Variants in HECW2 observed in about 807,000 individuals in gnomAD.
HECW2 encodes the protein E3 ubiquitin-protein ligase HECW2.
A neutral mutation model predicts 175.2 loss-of-function variants in HECW2; 61 were observed. The ratio of observed to expected loss-of-function variants is 0.35; its 90% CI spans 0.28 to 0.43. The LOEUF is 0.43. Among genes scored for constraint, HECW2 ranks in the 20% least tolerant of loss-of-function variants. HECW2 has a pLI of 1.00. For synonymous variants in HECW2, 671 were observed against 731.0 expected (o/e 0.92, Z 1.32); for missense variants, 1,524 against 2,000.5 (o/e 0.76, Z 4.54).
At chr2:196,551,120 A>C (rs538469060) in intron 1 of HECW2, among the ~76,000 whole-genome samples, 4 of 152,226 alleles carry the variant, frequency 2.6e-5, no homozygotes, top group Non-Finnish European at 5.9e-5. Context: ...GTTAAATGAA[A>C]TCCAAATGTT....
intron 21 of HECW2, among the ~76,000 whole-genome samples, chr2:196,237,187 A>C (rs765621950): frequency 2.0e-5 from 3 of 151,892 alleles, no homozygotes; most frequent in Non-Finnish European, 2.9e-5. Context: ...TTTTTTTTTA[A>C]ATTGTTATTC....
At chr2:196,237,583 C>G (rs2105870465) in intron 21 of HECW2, among the ~76,000 whole-genome samples, 1 of 152,204 alleles carries the variant, frequency 6.6e-6, no homozygotes, top group East Asian at 1.9e-4. Flanking sequence ...TGGCTCTATC[C>G]ACTCATTGAT....
intron 1 of HECW2, among the ~76,000 whole-genome samples, chr2:196,534,277 T>G (rs958687728): frequency 2.2e-5 from 3 of 138,250 alleles, no homozygotes; most frequent in Non-Finnish European, 4.5e-5. Flanking sequence ...TCCGTTTTTG[T>G]GCAGGAAAAA....
chr2:196,278,788 A>G, intron 14 of HECW2, 126 bp from the exon 15 acceptor site: 2 of 1,113,010 alleles, frequency 1.8e-6, no homozygotes, highest in Admixed American at 2.3e-5. Flanking sequence ...CATAATTTTC[A>G]ATCTTTGGGG....
At chr2:196,531,556 G>A (rs972544031) in intron 1 of HECW2, among the ~76,000 whole-genome samples, 5 of 151,920 alleles carry the variant, frequency 3.3e-5, no homozygotes, top group Admixed American at 6.6e-5. Flanking sequence ...CAGCTACTCA[G>A]GAGGCTGAGG....
At chr2:196,225,146 C>G (rs1687803697) in intron 23 of HECW2, among the ~76,000 whole-genome samples, 1 of 152,210 alleles carries the variant, frequency 6.6e-6, no homozygotes, top group East Asian at 1.9e-4. Context: ...AGGACAGAAA[C>G]AATTAGCCCT....
chr2:196,317,249 GC>G, intron 10 of HECW2, 24 bp downstream of exon 10: 1 of 1,540,090 alleles, frequency 6.5e-7, no homozygotes, highest in South Asian at 1.1e-5. Context: ...ATTAAGGTGG[GC>G]CCTTTTAACT....
intron 2 of HECW2, among the ~76,000 whole-genome samples, chr2:196,347,816 G>C (rs2105843136): frequency 6.6e-6 from 1 of 152,298 alleles, no homozygotes. Flanking sequence ...TAATATTCTG[G>C]TTATTCTAGA....
chr2:196,320,956 A>G (rs1466902483), intron 7 of HECW2, among the ~76,000 whole-genome samples: 1 of 152,222 alleles, frequency 6.6e-6, no homozygotes, highest in Non-Finnish European at 1.5e-5. Flanking sequence ...AGGAGCTGGG[A>G]CTTAGGGGAG....
intron 1 of HECW2, among the ~76,000 whole-genome samples, chr2:196,434,672 T>C (rs1185505145): frequency 6.6e-6 from 1 of 152,220 alleles, no homozygotes; most frequent in Non-Finnish European, 1.5e-5. Context: ...CAGAACTACA[T>C]AATCCACTCA....
chr2:196,375,226 A>G (rs1694020073), intron 2 of HECW2, among the ~76,000 whole-genome samples: 1 of 152,218 alleles, frequency 6.6e-6, no homozygotes, highest in African/African-American at 2.4e-5. Context: ...GTTGTATTCA[A>G]AACTTCAAGT....
rs563564323 is a variant in HECW2 at position 196,318,793 on chromosome 2, T to G, written c.2097A>C (p.Glu699Asp). The change falls in exon 9 of 29, where the codon GAA becomes GAC. Residue 699 changes from glutamate (E) to aspartate (D), a missense_variant. This residue lies in a region of HECW2 where 604 missense variants were observed against 588.3 expected (regional missense o/e 1.03). Coordinates refer to ENST00000644978, the MANE Select transcript of HECW2 (RefSeq NM_001348768.2). ...GTAAAGAACCAGCAGTGCACACGGA[T>G]TCCTGCGACCCTTCGGCAGGGCCAC... ...TSSGPAEGSQ[E>D]SVCTAGSLPV... The G allele has an allele frequency of 1.0e-4, 152 of 1,527,254 alleles. 2 individuals carry two copies. The South Asian group carries it at 1.8e-3, about 18-fold the overall frequency. The allele number at this position is 1,527,254 out of a possible 1,614,324, so 94.6% of individuals were successfully genotyped here.
At chr2:196,258,723 C>T (rs976874320) in intron 17 of HECW2, among the ~76,000 whole-genome samples, 2 of 151,968 alleles carry the variant, frequency 1.3e-5, no homozygotes, top group African/African-American at 4.8e-5. Flanking sequence ...TCAAAGCACA[C>T]CATATTAACT....
At chr2:196,445,828 T>C (rs1450623159) in intron 1 of HECW2, among the ~76,000 whole-genome samples, 5 of 152,188 alleles carry the variant, frequency 3.3e-5, no homozygotes, top group African/African-American at 4.8e-5. Context: ...TTCTAGGCCA[T>C]ACAATACAAC....
intron 27 of HECW2, among the ~76,000 whole-genome samples, chr2:196,216,301 C>T (rs1687473065): frequency 6.6e-6 from 1 of 152,070 alleles, no homozygotes; most frequent in Admixed American, 6.5e-5. Context: ...ATCAATTAAC[C>T]CGAGTCAACT....
At chr2:196,248,783 T>A (rs7567060) in intron 19 of HECW2, among the ~76,000 whole-genome samples, 80,858 of 152,010 alleles carry the variant, frequency 0.53, 24,788 homozygotes, top group Non-Finnish European at 0.69. Context: ...ACGAAGATCA[T>A]TAAGGGCACA....
In HECW2 at chr2:196,460,292, G is replaced by A. The variant is rs533621318; in HGVS notation, c.-35-26834C>T. 6.6e-5 allele frequency among the ~76,000 whole-genome samples: 10 copies of A among 152,248 alleles called. No homozygotes were observed. The South Asian group carries it at 2.1e-3, about 32-fold the overall frequency. On this transcript the variant is annotated intron_variant, in intron 1 of 28. Transcript: ENST00000644978. The stretch of plus-strand genomic sequence containing the variant: ...ATATCAAGTAAGACTTTTGATTGAA[G>A]TTAACAGAAGAGAGGCATTTTTATT...
chr2:196,373,308 T>C (rs1693956664), intron 2 of HECW2, among the ~76,000 whole-genome samples: 2 of 152,242 alleles, frequency 1.3e-5, no homozygotes, highest in African/African-American at 2.4e-5. Context: ...AGAAAAAGAA[T>C]TGCCTGTTTT....
At chr2:196,579,782 A>C (rs1316269236) in intron 1 of HECW2, among the ~76,000 whole-genome samples, 1 of 152,178 alleles carries the variant, frequency 6.6e-6, no homozygotes, top group Non-Finnish European at 1.5e-5. Flanking sequence ...ACAGATAGAC[A>C]CCAGGGACAT....
Sources: gnomAD v4.1 joint callset for allele counts (sites outside exome capture counted in the v4.1 genomes callset) on GRCh38, gnomAD v4.1.1 for gene constraint, gnomAD v4.1.1 regional missense constraint, MANE v1.5 for transcripts, NCBI Gene and HGNC (gene_info 2026-07-23, HGNC 2026-07-21) for gene names.